Variants in PPIG observed in about 807,000 individuals in gnomAD.
The protein encoded by PPIG is peptidyl-prolyl cis-trans isomerase G.
A neutral mutation model predicts 87.9 loss-of-function variants in PPIG; 26 were observed. The observed-to-expected ratio is 0.30, with a 90% CI of 0.22 to 0.41. The LOEUF (loss-of-function observed/expected upper bound fraction) is 0.41, where lower values mean the gene tolerates loss of function less well. PPIG is among the 10% of genes least tolerant of loss of function. The pLI, the probability that PPIG is intolerant of heterozygous loss-of-function variation, is 1.00. For synonymous variants in PPIG, 308 were observed against 276.5 expected, an observed-to-expected ratio of 1.11 and a Z score of -1.13; for missense variants, 722 against 879.4, an observed-to-expected ratio of 0.82 and a Z score of 2.26.
intron 9 of PPIG, among the ~76,000 whole-genome samples, chr2:169,615,383 A>G (rs1426891843): frequency 1.3e-5 from 2 of 152,156 alleles, no homozygotes; most frequent in African/African-American, 4.8e-5. Context: ...GTTATTAGCT[A>G]TAGTCATCAT....
intron 7 of PPIG, among the ~76,000 whole-genome samples, chr2:169,611,006 C>T (rs781695230): frequency 1.3e-5 from 2 of 152,022 alleles, no homozygotes; most frequent in Non-Finnish European, 2.9e-5. Flanking sequence ...GTTAGGTGTT[C>T]GAGACCAGCC....
chr2:169,594,121 G>A (rs1684947594), intron 1 of PPIG, among the ~76,000 whole-genome samples: 1 of 151,976 alleles, frequency 6.6e-6, no homozygotes, highest in Non-Finnish European at 1.5e-5. Flanking sequence ...TATACCTGAA[G>A]GCTTTCTGAA....
At chr2:169,612,088 G>T (rs956664526) in intron 7 of PPIG, among the ~76,000 whole-genome samples, 6 of 152,112 alleles carry the variant, frequency 3.9e-5, no homozygotes, top group African/African-American at 1.4e-4. Flanking sequence ...TGATCCTACC[G>T]CCTCAGCCTC....
chr2:169,630,663 T>C, intron 9 of PPIG, 111 bp from the exon 10 acceptor site: 1 of 878,096 alleles, frequency 1.1e-6, no homozygotes, highest in Non-Finnish European at 1.8e-6. Context: ...CATAGCTGGA[T>C]GATCTAAGTG....
chr2:169,594,401 G>T (rs370089262), intron 1 of PPIG, among the ~76,000 whole-genome samples: 1 of 151,062 alleles, frequency 6.6e-6, no homozygotes, highest in Non-Finnish European at 1.5e-5. Context: ...AGAAAAATTG[G>T]AAAACAAATA....
intron 9 of PPIG, among the ~76,000 whole-genome samples, chr2:169,618,283 A>G (rs367843711): frequency 2.0e-5 from 3 of 152,308 alleles, no homozygotes; most frequent in South Asian, 2.1e-4. Context: ...TTTCCCATCA[A>G]TGTTCATCAG....
chr2:169,608,948 GT>G (rs1685410546), intron 7 of PPIG, among the ~76,000 whole-genome samples, 190 bp downstream of exon 7: 1 of 151,932 alleles, frequency 6.6e-6, no homozygotes, highest in East Asian at 2.0e-4. Context: ...GCTGGGCATG[GT>G]GTCGGACGCC....
At chr2:169,586,944 A>G (rs1300030592) in intron 1 of PPIG, among the ~76,000 whole-genome samples, 1 of 151,626 alleles carries the variant, frequency 6.6e-6, no homozygotes, top group Non-Finnish European at 1.5e-5. Flanking sequence ...TTATTTATTT[A>G]TTTTTTTCAG....
chr2:169,608,769 A>T lies in PPIG; in HGVS notation c.377+11A>T. ...TTCACAGTTCTTCATGTAAGTATTT[A>T]TTATCTGATGATTTAAAACATCCCA... On this transcript the variant is annotated intron_variant, in intron 7 of 13. Coordinates refer to ENST00000260970, the MANE Select transcript of PPIG (RefSeq NM_004792.3). The T allele has an allele frequency of 6.4e-7, 1 of 1,568,164 alleles. No homozygotes were observed. Among genetic ancestry groups the T allele is most frequent in the Non-Finnish European group, 8.8e-7 (1 of 1,140,670 alleles).
intron 1 of PPIG, among the ~76,000 whole-genome samples, chr2:169,602,350 C>G (rs926551375): frequency 1.5e-4 from 23 of 152,250 alleles, no homozygotes; most frequent in African/African-American, 5.5e-4. Flanking sequence ...GAGTCTCGCT[C>G]TGTCCCCCAG....
intron 12 of PPIG, chr2:169,633,455 C>T (rs1686109297): frequency 8.4e-6 from 5 of 592,926 alleles, no homozygotes; most frequent in Non-Finnish European, 1.5e-5. Context: ...ATAGATTTTA[C>T]ATTTACATGG....
intron 7 of PPIG, among the ~76,000 whole-genome samples, chr2:169,610,925 G>T (rs973959529): frequency 6.6e-6 from 1 of 152,162 alleles, no homozygotes; most frequent in South Asian, 2.1e-4. Context: ...ACAACTTATG[G>T]CTGGGTGCAG....
At chr2:169,626,627 T>G (rs1334338417) in intron 9 of PPIG, among the ~76,000 whole-genome samples, 1 of 152,030 alleles carries the variant, frequency 6.6e-6, no homozygotes, top group Non-Finnish European at 1.5e-5. Flanking sequence ...TGACTTCAGG[T>G]GTTCTGCCTG....
In PPIG at chr2:169,614,575, G is replaced by T. The variant is rs1254178021; in HGVS notation, c.408-10G>T. The T allele has an allele frequency of 1.3e-6, 2 of 1,585,928 alleles. No homozygotes were observed. Among genetic ancestry groups the T allele is most frequent in the South Asian group, 2.4e-5 (2 of 84,260 alleles). ...GCTTTTATTTAATAATTTTTTACTT[G>T]ACACTTTAGGCATCATGTTGTTTTT... On this transcript the variant is annotated splice_polypyrimidine_tract_variant and intron_variant, in intron 8 of 13. Coordinates refer to ENST00000260970, the MANE Select transcript of PPIG (RefSeq NM_004792.3).
chr2:169,634,410 T>A (rs1686132838), intron 12 of PPIG, among the ~76,000 whole-genome samples: 1 of 152,108 alleles, frequency 6.6e-6, no homozygotes, highest in Admixed American at 6.5e-5. Flanking sequence ...CCCATTCAAA[T>A]CTTCTCACAC....
chr2:169,601,605 C>T (rs1023460180), intron 1 of PPIG, among the ~76,000 whole-genome samples: 1 of 152,032 alleles, frequency 6.6e-6, no homozygotes, highest in Non-Finnish European at 1.5e-5. Context: ...GAGAGCATTC[C>T]AGGTGGAGAG....
intron 1 of PPIG, among the ~76,000 whole-genome samples, chr2:169,597,580 C>A (rs1685054079): frequency 6.6e-6 from 1 of 151,510 alleles, no homozygotes; most frequent in Non-Finnish European, 1.5e-5. Context: ...CTCACCACAA[C>A]CTCCGCATCC....
chr2:169,591,443 C>T lies in PPIG; in HGVS notation c.-70+6953C>T, dbSNP rs903586168. ...ACTTTAATCACCTGCATAGGAAAAA[C>T]AAGAATATAATAAAAGTATTAAAAG... On this transcript the variant is annotated intron_variant, in intron 1 of 13. Transcript: ENST00000260970. Among the ~76,000 whole-genome samples the T allele has an allele frequency of 3.9e-5, 6 of 152,020 alleles. No individual in the cohort carries two copies. The East Asian group carries it at 1.2e-3, about 29-fold the overall frequency.
At position 169,636,445 on chromosome 2, in the gene PPIG, G is replaced by A. The variant is rs114136955; in HGVS notation, c.1187G>A (p.Arg396Lys). 1.9e-4 allele frequency: 297 copies of A among 1,548,418 alleles called. No homozygotes were observed. In the African/African-American group the frequency reaches 3.9e-3, roughly 20 times the overall value. ...TTGAATGAAATAAAAGAAAATCAGA[G>A]AAGTCCAGTTAGAGTAAAAGAGAGA... ...SELNEIKENQ[R>K]SPVRVKERKI... is the part of the protein sequence containing the mutation. Residue 396 changes from arginine (R) to lysine (K), a missense_variant, in exon 14 of 14, where the codon AGA (arginine) becomes AAA (lysine). Arg to Lys is a conservative substitution (Grantham distance 26, BLOSUM62 2). This residue lies in a region of PPIG where 476 missense variants were observed against 483.1 expected (regional missense o/e 0.99). Transcript: ENST00000260970.
Sources: allele counts gnomAD v4.1 joint callset (sites outside exome capture counted in the v4.1 genomes callset), GRCh38; gene constraint gnomAD v4.1.1; regional missense constraint gnomAD v4.1.1; transcripts MANE v1.5; gene names NCBI Gene and HGNC (gene_info 2026-07-23, HGNC 2026-07-21).